RPS6: variants seen among roughly 807,000 people sequenced by gnomAD.
RPS6 encodes ribosomal protein S6, also known as small ribosomal subunit protein eS6.
Under a neutral mutation model 27.1 loss-of-function variants are expected in RPS6, and 1 was observed. The observed-to-expected ratio is 0.04, with a 90% CI of 0.01 to 0.18. The LOEUF (loss-of-function observed/expected upper bound fraction) is 0.18, where lower values mean the gene tolerates loss of function less well. RPS6 is among the 10% of genes least tolerant of loss of function. RPS6 has a pLI of 1.00. For synonymous variants in RPS6, 152 were observed against 106.0 expected, an observed-to-expected ratio of 1.43 and a Z score of -2.66; for missense variants, 259 against 319.1, an observed-to-expected ratio of 0.81 and a Z score of 1.44.
At chr9:19,380,051 A>G in intron 1 of RPS6, 139 bp downstream of exon 1, 2 of 1,584,652 alleles carry the variant, frequency 1.3e-6, no homozygotes, top group Non-Finnish European at 8.6e-7. Flanking sequence ...CATGCCCCAG[A>G]AAGGCGAGCC....
rs145798579 is a variant in RPS6 at position 19,379,623 on chromosome 9, G to A, written c.7-5C>T. On this transcript the variant is annotated splice_region_variant and splice_polypyrimidine_tract_variant and intron_variant, in intron 1 of 5. Coordinates refer to ENST00000380394, the MANE Select transcript of RPS6 (RefSeq NM_001010.3). ...GGCTGGGAAGGAGATGTTCAGCTAA[G>A]GATTAAAAGGGGGGAAATAGTTTAC... 9.3e-6 allele frequency: 15 copies of A among 1,610,862 alleles called. No homozygotes were observed. The Admixed American group carries it at 1.0e-4, about 11-fold the overall frequency.
intron 2 of RPS6, 89 bp downstream of exon 2, chr9:19,379,398 C>A: frequency 3.2e-6 from 5 of 1,574,732 alleles, no homozygotes; most frequent in African/African-American, 1.4e-5. Context: ...AAGCCAGAAC[C>A]CGGAGTCTGA....
chr9:19,376,886 C>T (rs1054809220), intron 4 of RPS6: 2 of 398,500 alleles, frequency 5.0e-6, no homozygotes, highest in African/African-American at 4.1e-5. Context: ...AATAACCAGG[C>T]TAACTTTTAC....
intron 1 of RPS6, chr9:19,379,898 G>A (rs1205283454): frequency 2.2e-5 from 31 of 1,425,578 alleles, no homozygotes; most frequent in Non-Finnish European, 2.7e-5. Flanking sequence ...GAAAGCCGGG[G>A]TCAAGAGCCG....
rs567034688 is a variant in RPS6, at chr9:19,376,404, C to G, written c.655-16G>C. Reference sequence around the variant, plus strand: ...CCTTAGCCTCCTAAACAAAACAAAACAGCAAACAGTTAAGGCCTTTCTGGG... The same window carrying G: ...CCTTAGCCTCCTAAACAAAACAAAAGAGCAAACAGTTAAGGCCTTTCTGGG... On this transcript the variant is annotated splice_polypyrimidine_tract_variant and intron_variant, in intron 5 of 5. Transcript: ENST00000380394. The G allele has an allele frequency of 1.6e-5, 26 of 1,613,716 alleles. No individual in the cohort carries two copies. The African/African-American group carries it at 2.7e-4, about 17-fold the overall frequency.
intron 4 of RPS6, among the ~76,000 whole-genome samples, chr9:19,377,629 T>G (rs1829610555): frequency 6.6e-6 from 1 of 152,202 alleles, no homozygotes; most frequent in Admixed American, 6.5e-5. Flanking sequence ...TTATTTAACA[T>G]AAATATCCCC....
rs1437661641 is a variant in RPS6, at chr9:19,376,302, A to G, written c.741T>C (p.Ser247=). The change falls in exon 6 of 6, where the codon AGT becomes AGC. Residue 247 remains serine (S), a synonymous_variant. Coordinates refer to ENST00000380394, the MANE Select transcript of RPS6 (RefSeq NM_001010.3). ...LRASTSKSES[S]QK ...TGTTACTCAAAAAATCTTATTTCTGACTGGATTCAGACTTAGAAGTAGAAG... is the reference window on the plus strand; with the variant it reads ...TGTTACTCAAAAAATCTTATTTCTGGCTGGATTCAGACTTAGAAGTAGAAG... The G allele has an allele frequency of 6.2e-7, 1 of 1,611,102 alleles. No individual in the cohort carries two copies. Among genetic ancestry groups the G allele is most frequent in the East Asian group, 2.2e-5 (1 of 44,858 alleles).
In RPS6 at chr9:19,379,930, T is replaced by G. The variant is rs1248339341; in HGVS notation, c.6+260A>C. 5 of 1,430,276 alleles carry G rather than the reference T, an allele frequency of 3.5e-6. No individual in the cohort carries two copies. The African/African-American group carries it at 7.2e-5, about 21-fold the overall frequency. 88.6% of individuals were successfully genotyped at this position (1,430,276 alleles called of 1,614,324 possible). ...GCCGCACCACAGGCCTGCCGCAAAC[T>G]GGGCAACACGCCGCATCCGTCCCGG... On this transcript the variant is annotated intron_variant, in intron 1 of 5. Transcript: ENST00000380394.
Position 19,376,298 on chromosome 9 carries a change from TCTGA to T in RPS6, c.741_744del (p.Ser247ArgfsTer6), listed in dbSNP as rs1829586534. The T allele has an allele frequency of 6.2e-7, 1 of 1,610,666 alleles. No homozygotes were observed. On this transcript the variant is annotated frameshift_variant, in exon 6 of 6. Transcript: ENST00000380394. LOFTEE classifies it high-confidence loss of function. ...TATTTGTTACTCAAAAAATCTTATT[TCTGA>T]CTGGATTCAGACTTAGAAGTAGAAG...
intron 1 of RPS6, 66 bp from the exon 2 acceptor site, chr9:19,379,684 C>T (rs1297080520): frequency 1.7e-5 from 26 of 1,538,704 alleles, no homozygotes; most frequent in Non-Finnish European, 2.2e-5. Flanking sequence ...GAGCCATCTA[C>T]AAAGTTAATT....
chr9:19,375,918 A>T lies in RPS6; in HGVS notation c.*375T>A, dbSNP rs958254007. 1 of 156,238 alleles carries T rather than the reference A, an allele frequency of 6.4e-6. No homozygotes were observed. The highest frequency in any genetic ancestry group is 2.4e-5 in the African/African-American group (1 of 41,598). The allele number at this position is 156,238 out of a possible 1,614,324, so 9.7% of individuals were successfully genotyped here. The stretch of plus-strand genomic sequence containing the variant: ...TTAAAAAAGACATGTTCATCTTCAC[A>T]AGGTCAATTTTCATGTATTAAATTG... On this transcript the variant is annotated 3_prime_UTR_variant, in exon 6 of 6. Coordinates refer to ENST00000380394, the MANE Select transcript of RPS6 (RefSeq NM_001010.3).
rs532011962 is a variant in RPS6, at chr9:19,378,595, T to C, written c.350-81A>G. On this transcript the variant is annotated intron_variant, in intron 3 of 5. Coordinates refer to ENST00000380394, the MANE Select transcript of RPS6 (RefSeq NM_001010.3). ...ATCAGAATGTTTAATGTTGAATTGA[T>C]GGTAGAGAAACAAATCCATTGGTCT... 45 of 1,581,270 alleles carry C rather than the reference T, an allele frequency of 2.8e-5. No homozygotes were observed. The African/African-American group carries it at 3.1e-4, about 11-fold the overall frequency.
Position 19,380,227 on chromosome 9 carries a change from C to A in RPS6, c.-32G>T, listed in dbSNP as rs554845311. On this transcript the variant is annotated 5_prime_UTR_variant, in exon 1 of 6. Transcript: ENST00000380394. ...GCAGCTGAACGCCTCCGAGGCGCCACGGAAAAGAGGGCCAACTTCCGCTTA... is the reference window on the plus strand; with the variant it reads ...GCAGCTGAACGCCTCCGAGGCGCCAAGGAAAAGAGGGCCAACTTCCGCTTA... The A allele has an allele frequency of 1.9e-6, 3 of 1,612,498 alleles. No homozygotes were observed. The highest frequency in any genetic ancestry group is 1.3e-5 in the African/African-American group (1 of 74,988).
Position 19,376,142 on chromosome 9 carries a change from C to G in RPS6, c.*151G>C, listed in dbSNP as rs934865885. 1 of 675,250 alleles carries G rather than the reference C, an allele frequency of 1.5e-6. No homozygotes were observed. Among genetic ancestry groups the G allele is most frequent in the African/African-American group, 1.8e-5 (1 of 55,296 alleles). 41.8% of individuals were successfully genotyped at this position (675,250 alleles called of 1,614,324 possible). ...TCTTCCACTACCACACACAATAGGT[C>G]TGACTTTATCCACCATTGGAATACC... On this transcript the variant is annotated 3_prime_UTR_variant, in exon 6 of 6. Transcript: ENST00000380394.
rs1829631465 is a variant in RPS6, at chr9:19,378,850, G to A, written c.207C>T (p.Thr69=). Residue 69 remains threonine (T), a synonymous_variant, in exon 3 of 6, where the codon ACC becomes ACT. Coordinates refer to ENST00000380394, the MANE Select transcript of RPS6 (RefSeq NM_001010.3). ...QGFPMKQGVL[T]HGRVRLLLSK... ...TCAGTAGCAGGCGGACACGGCCATGGGTCAAGACACCCTGCTTCATGGGGA... is the reference window on the plus strand; with the variant it reads ...TCAGTAGCAGGCGGACACGGCCATGAGTCAAGACACCCTGCTTCATGGGGA... The A allele has an allele frequency of 1.9e-6, 3 of 1,614,156 alleles. No homozygotes were observed. The highest frequency in any genetic ancestry group is 2.2e-5 in the East Asian group (1 of 44,880).
rs11541616 is a variant in RPS6 at position 19,379,607 on chromosome 9, G to C, written c.18C>G (p.Ser6=). Residue 6 remains serine, a synonymous_variant, in exon 2 of 6, where the codon TCC becomes TCG. Transcript: ENST00000380394. MKLNI[S]FPATGCQKLI... The stretch of plus-strand genomic sequence containing the variant: ...GTTTCTGGCAGCCAGTGGCTGGGAA[G>C]GAGATGTTCAGCTAAGGATTAAAAG... 4 of 1,613,642 alleles carry C rather than the reference G, an allele frequency of 2.5e-6. No homozygotes were observed. Among genetic ancestry groups the C allele is most frequent in the Non-Finnish European group, 3.4e-6 (4 of 1,179,720 alleles).
chr9:19,379,063 GTGAGT>G, intron 2 of RPS6, 145 bp from the exon 3 acceptor site: 1 of 890,684 alleles, frequency 1.1e-6, no homozygotes, highest in Non-Finnish European at 1.7e-6. Context: ...TCTCTGTTCA[GTGAGT>G]TTTGTCTATA....
chr9:19,377,571 ATTCT>A (rs2132426646), intron 4 of RPS6, among the ~76,000 whole-genome samples: 1 of 152,278 alleles, frequency 6.6e-6, no homozygotes, highest in East Asian at 1.9e-4. Flanking sequence ...ATCCAGAGAA[ATTCT>A]TTCAAATTTT....
intron 4 of RPS6, among the ~76,000 whole-genome samples, chr9:19,377,568 G>A (rs1261794686): frequency 6.6e-6 from 1 of 152,090 alleles, no homozygotes; most frequent in East Asian, 1.9e-4. Flanking sequence ...AAAATCCAGA[G>A]AAATTCTTTC....
Sources: allele counts gnomAD v4.1 joint callset (sites outside exome capture counted in the v4.1 genomes callset), GRCh38; gene constraint gnomAD v4.1.1; transcripts MANE v1.5; gene names NCBI Gene and HGNC (gene_info 2026-07-23, HGNC 2026-07-21).